TMEM117: variants seen among roughly 807,000 people sequenced by gnomAD.
TMEM117 encodes transmembrane protein 117.
In TMEM117, 27 loss-of-function variants were observed where a neutral mutation model predicts 52.4. The observed-to-expected ratio is 0.51, with a 90% CI of 0.38 to 0.71. TMEM117 has a LOEUF of 0.71. Ranked by LOEUF, TMEM117 falls within the 30% of genes least tolerant of loss-of-function variation. TMEM117 has a pLI of 0.00. For missense variants in TMEM117, 556 were observed against 630.5 expected (o/e 0.88, Z 1.26); for synonymous variants, 215 against 206.3 (o/e 1.04, Z -0.36).
chr12:44,181,528 GTATA>G (rs1281553500), intron 4 of TMEM117, among the ~76,000 whole-genome samples: 1 of 149,020 alleles, frequency 6.7e-6, no homozygotes, highest in African/African-American at 2.5e-5. Context: ...ATTGATTTTT[GTATA>G]AGGTGTAAGG....
At chr12:43,833,760 G>C (rs1942995868), upstream of TMEM117, among the ~76,000 whole-genome samples, 1 of 151,964 alleles carries the variant, frequency 6.6e-6, no homozygotes. Flanking sequence ...CTGCACGCCA[G>C]CCTGGGTGAC....
chr12:44,098,268 G>T (rs1345127534), intron 3 of TMEM117, among the ~76,000 whole-genome samples: 1 of 152,038 alleles, frequency 6.6e-6, no homozygotes, highest in African/African-American at 2.4e-5. Context: ...CAGTCATAGA[G>T]GTCAGTGATG....
At chr12:44,277,088 C>G (rs1303528544) in intron 5 of TMEM117, among the ~76,000 whole-genome samples, 1 of 152,052 alleles carries the variant, frequency 6.6e-6, no homozygotes, top group Non-Finnish European at 1.5e-5. Context: ...GTAGATACAG[C>G]CTTCCTTGAA....
At chr12:44,319,247 T>G (rs1384582052) in intron 6 of TMEM117, among the ~76,000 whole-genome samples, 1 of 152,176 alleles carries the variant, frequency 6.6e-6, no homozygotes, top group Non-Finnish European at 1.5e-5. Flanking sequence ...GGCATCCTGC[T>G]CTCCATCCTG....
the TMEM117 span, among the ~76,000 whole-genome samples, chr12:43,798,835 A>G: frequency 0.013 from 1,999 of 152,220 alleles, 38 homozygotes; most frequent in African/African-American, 0.045. Flanking sequence ...CAGTAGAAAT[A>G]CAGTAGTTAT....
chr12:44,068,027 T>C (rs1316383236), intron 3 of TMEM117, among the ~76,000 whole-genome samples: 1 of 152,214 alleles, frequency 6.6e-6, no homozygotes, highest in Non-Finnish European at 1.5e-5. Context: ...GGCACTTTTA[T>C]GTTGTAGAGG....
intron 6 of TMEM117, among the ~76,000 whole-genome samples, chr12:44,372,048 G>A (rs1221400246): frequency 6.6e-6 from 1 of 152,166 alleles, no homozygotes; most frequent in African/African-American, 2.4e-5. Flanking sequence ...TTGAACTGAT[G>A]AGAATTGGAG....
intron 2 of TMEM117, among the ~76,000 whole-genome samples, chr12:43,846,966 C>A (rs74373254): frequency 0.037 from 5,690 of 152,052 alleles, 265 homozygotes; most frequent in African/African-American, 0.1. Flanking sequence ...CGTCTTGTGC[C>A]TATATGTATA....
intron 4 of TMEM117, among the ~76,000 whole-genome samples, chr12:44,201,239 T>C (rs909387003): frequency 7.2e-5 from 11 of 151,792 alleles, no homozygotes; most frequent in African/African-American, 2.7e-4. Context: ...AGAAAGAAAA[T>C]TAGATAAATA....
chr12:43,945,343 C>A (rs1199244368), intron 3 of TMEM117, among the ~76,000 whole-genome samples: 1 of 152,110 alleles, frequency 6.6e-6, no homozygotes, highest in Non-Finnish European at 1.5e-5. Context: ...GAGAAGGAAT[C>A]TCGCTGTTGT....
At chr12:44,040,806 A>G (rs941095550) in intron 3 of TMEM117, among the ~76,000 whole-genome samples, 7 of 152,186 alleles carry the variant, frequency 4.6e-5, no homozygotes, top group Non-Finnish European at 8.8e-5. Flanking sequence ...TAGTTAGATA[A>G]AAATTTGTTT....
chr12:44,176,936 T>A (rs549249761), intron 4 of TMEM117, among the ~76,000 whole-genome samples: 72 of 152,228 alleles, frequency 4.7e-4, no homozygotes, highest in African/African-American at 1.7e-3. Context: ...TGAAGTTTGG[T>A]ACAGTATTAT....
At chr12:44,070,469 GGTGGATATTGGGTCA>G (rs1459650301) in intron 3 of TMEM117, among the ~76,000 whole-genome samples, 14 of 152,132 alleles carry the variant, frequency 9.2e-5, no homozygotes, top group Admixed American at 3.3e-4. Flanking sequence ...AGAAGTTGGG[GGTGGATATTGGGTCA>G]GTCAACCTGC....
rs542681086 is a variant in TMEM117 at position 44,375,262 on chromosome 12, C to G, written c.769-1333C>G. Among the ~76,000 whole-genome samples the G allele has an allele frequency of 3.3e-5, 5 of 152,262 alleles. No homozygotes were observed. In the South Asian group the frequency reaches 8.3e-4, roughly 25 times the overall value. On this transcript the variant is annotated intron_variant, in intron 6 of 7. Transcript: ENST00000266534. Reference sequence around the variant, plus strand: ...GGGTTTTATGAACCTCCCAAATTACCTGTCTATTTGCTGCTGATGTCTGAA... The same window carrying G: ...GGGTTTTATGAACCTCCCAAATTACGTGTCTATTTGCTGCTGATGTCTGAA...
intron 6 of TMEM117, among the ~76,000 whole-genome samples, chr12:44,330,145 C>T (rs1951249712): frequency 6.6e-6 from 1 of 152,054 alleles, no homozygotes; most frequent in Admixed American, 6.6e-5. Flanking sequence ...TCCACATCCT[C>T]TCCAACACTG....
At chr12:44,006,993 A>G (rs1199950329) in intron 3 of TMEM117, among the ~76,000 whole-genome samples, 1 of 152,148 alleles carries the variant, frequency 6.6e-6, no homozygotes, top group Non-Finnish European at 1.5e-5. Context: ...TACTTTTTAG[A>G]TATTTGTCCT....
chr12:43,827,836 T>G, the TMEM117 span, among the ~76,000 whole-genome samples: 6 of 152,194 alleles, frequency 3.9e-5, no homozygotes, highest in African/African-American at 7.2e-5. Context: ...AGAAGAAATC[T>G]TCCTGGATTT....
chr12:44,123,762 G>A (rs975851987), intron 3 of TMEM117, among the ~76,000 whole-genome samples: 10 of 152,164 alleles, frequency 6.6e-5, no homozygotes, highest in African/African-American at 2.4e-4. Context: ...TGGTATATGT[G>A]TCCGTTTTTG....
intron 7 of TMEM117, among the ~76,000 whole-genome samples, chr12:44,377,649 A>G (rs1404535022): frequency 6.6e-6 from 1 of 152,204 alleles, no homozygotes; most frequent in Admixed American, 6.5e-5. Flanking sequence ...AAAGGATGGC[A>G]TTAGTTCCAA....
Sources: allele counts gnomAD v4.1 joint callset (sites outside exome capture counted in the v4.1 genomes callset), GRCh38; gene constraint gnomAD v4.1.1; transcripts MANE v1.5; gene names NCBI Gene and HGNC (gene_info 2026-07-23, HGNC 2026-07-21).